Variants in CDC42BPG observed in about 807,000 individuals in gnomAD.
The protein encoded by CDC42BPG is serine/threonine-protein kinase MRCK gamma.
CDC42BPG carries 157 observed loss-of-function variants against 192.2 expected under a neutral mutation model. That is an observed-to-expected ratio of 0.82 (90% CI 0.72 to 0.93). The LOEUF (loss-of-function observed/expected upper bound fraction) is 0.93, where lower values mean the gene tolerates loss of function less well. CDC42BPG is among the 40% of genes least tolerant of loss of function. The pLI, the probability that CDC42BPG is intolerant of heterozygous loss-of-function variation, is 0.00. For synonymous variants in CDC42BPG, 981 were observed against 918.5 expected (o/e 1.07, Z -1.23); for missense variants, 1,992 against 2,122.1 (o/e 0.94, Z 1.20).
At position 64,836,501 on chromosome 11, in the gene CDC42BPG, G is replaced by T; in HGVS notation, c.1414C>A (p.Gln472Lys). The T allele has an allele frequency of 6.2e-7, 1 of 1,613,436 alleles. No individual in the cohort carries two copies. The highest frequency in any genetic ancestry group is 8.5e-7 in the Non-Finnish European group (1 of 1,179,952). The change falls in exon 12 of 37, where the codon CAG (glutamine) becomes AAG (lysine). Residue 472 changes from glutamine (Q) to lysine (K), a missense_variant. Gln to Lys is a moderately conservative substitution (Grantham distance 53). Coordinates refer to ENST00000342711, the MANE Select transcript of CDC42BPG (RefSeq NM_017525.3). ...CTACCAGCTGGGGGCCCATCCGTCT[G>T]GGACAATGAGGCCTTGTCCCTCAGC... is the stretch of plus-strand genomic sequence containing the variant. The part of the protein sequence containing the change: ...EMLRDKASLS[Q>K]TDGPPAGSPG...
At chr11:64,837,327 G>A (rs147181356) in intron 9 of CDC42BPG, among the ~76,000 whole-genome samples, 36 of 152,318 alleles carry the variant, frequency 2.4e-4, no homozygotes, top group African/African-American at 7.2e-4. Context: ...CAGGGCTGTC[G>A]AGGACAGGAT....
At position 64,827,793 on chromosome 11, in the gene CDC42BPG, C is replaced by T. The variant is rs767688488; in HGVS notation, c.3968-10G>A. ...TAGGGGGCCGCATACCCTGCGGGCA[C>T]GCCAGGCACCTCTGAGCTGTTTCCC... is the stretch of plus-strand genomic sequence containing the variant. On this transcript the variant is annotated splice_polypyrimidine_tract_variant and intron_variant, in intron 30 of 36. Coordinates refer to ENST00000342711, the MANE Select transcript of CDC42BPG (RefSeq NM_017525.3). 15 of 1,593,094 alleles carry T rather than the reference C, an allele frequency of 9.4e-6. No homozygotes were observed. The African/African-American group carries it at 1.1e-4, about 11-fold the overall frequency.
At position 64,826,570 on chromosome 11, in the gene CDC42BPG, G is replaced by T. The variant is rs191214442; in HGVS notation, c.4514-15C>A. On this transcript the variant is annotated splice_polypyrimidine_tract_variant and intron_variant, in intron 35 of 36. Transcript: ENST00000342711. ...TTTCCTCTTCACTGCTCCAGCAGCA[G>T]ACGAGGAGACAAAAATACCAAGATC... 21 of 1,596,608 alleles carry T rather than the reference G, an allele frequency of 1.3e-5. No homozygotes were observed. The East Asian group carries it at 4.7e-4, about 36-fold the overall frequency.
rs1252730204 is a variant in CDC42BPG, at chr11:64,839,589, G to A, written c.582-18C>T. On this transcript the variant is annotated intron_variant, in intron 5 of 36. Coordinates refer to ENST00000342711, the MANE Select transcript of CDC42BPG (RefSeq NM_017525.3). Reference sequence around the variant, plus strand: ...TGACATCCCTGGGGGATGGCAGGCAGGGAGAGTGAGGCGTTTGACCTGTGT... The same window carrying A: ...TGACATCCCTGGGGGATGGCAGGCAAGGAGAGTGAGGCGTTTGACCTGTGT... The A allele has an allele frequency of 1.9e-6, 3 of 1,603,870 alleles. No individual in the cohort carries two copies. Among genetic ancestry groups the A allele is most frequent in the Non-Finnish European group, 2.6e-6 (3 of 1,175,454 alleles).
At position 64,841,894 on chromosome 11, in the gene CDC42BPG, G is replaced by C. The variant is rs750121131; in HGVS notation, c.171C>G (p.Phe57Leu). ...GACGCAGTTCTTTCACCTTTGATACGAAGGGGCTGGCTGAGGGGACACAGG... is the reference window on the plus strand; with the variant it reads ...GACGCAGTTCTTTCACCTTTGATACCAAGGGGCTGGCTGAGGGGACACAGG... ...VAQFLSWASP[F>L]VSKVKELRLQ... The change falls in exon 2 of 37, where the codon TTC (phenylalanine) becomes TTG (leucine). Residue 57 changes from phenylalanine to leucine, a missense_variant. By Grantham distance (22) the Phe-to-Leu change is conservative. Coordinates refer to ENST00000342711, the MANE Select transcript of CDC42BPG (RefSeq NM_017525.3). The C allele has an allele frequency of 3.7e-6, 6 of 1,606,202 alleles. No homozygotes were observed. The highest frequency in any genetic ancestry group is 1.7e-4 in the Middle Eastern group (1 of 6,050).
intron 11 of CDC42BPG, 34 bp downstream of exon 11, chr11:64,836,705 C>CCGGCGGGGGGGG (rs1192864769): frequency 3.8e-6 from 1 of 260,500 alleles, no homozygotes; most frequent in African/African-American, 6.4e-5. Flanking sequence ...GGACTCAGCC[C>CCGGCGGGGGGGG]TGGGGGGGGG....
chr11:64,836,954 T>TGCTCCAGACACTGGAGCTTCC lies in CDC42BPG; in HGVS notation c.1250_1270dup (p.Arg417_Glu423dup), dbSNP rs749666003. The stretch of plus-strand genomic sequence containing the variant: ...CTTCCTGCTCAGCTCCACCTTCTCC[T>TGCTCCAGACACTGGAGCTTCC]GCTCCAGACACTGGAGCTTCCGCTC... On this transcript the variant is annotated inframe_insertion, in exon 10 of 37. Transcript: ENST00000342711. 6 of 1,613,478 alleles carry TGCTCCAGACACTGGAGCTTCC rather than the reference T, an allele frequency of 3.7e-6. No individual in the cohort carries two copies. The highest frequency in any genetic ancestry group is 2.7e-5 in the African/African-American group (2 of 75,048).
At chr11:64,830,358 TG>T in intron 28 of CDC42BPG, 102 bp from the exon 29 acceptor site, 2 of 993,004 alleles carry the variant, frequency 2.0e-6, no homozygotes, top group South Asian at 1.4e-5. Context: ...CTTGAGGAAA[TG>T]GGGGTGGCAA....
At chr11:64,844,384 C>A in intron 1 of CDC42BPG, 26 bp downstream of exon 1, 4 of 1,377,446 alleles carry the variant, frequency 2.9e-6, no homozygotes, top group Non-Finnish European at 3.7e-6. Flanking sequence ...AGGCCCGCCC[C>A]CGCTCCGTGC....
chr11:64,836,444 G>A lies in CDC42BPG; in HGVS notation c.1471C>T (p.Leu491Phe). 1 of 1,613,258 alleles carries A rather than the reference G, an allele frequency of 6.2e-7. No individual in the cohort carries two copies. The highest frequency in any genetic ancestry group is 8.5e-7 in the Non-Finnish European group (1 of 1,179,858). ...PGQDSDLRQE[L>F]DRLHRELAEG... is the part of the protein sequence containing the mutation. ...GCCCTCACCCGGTGAAGTCGGTCAA[G>A]CTCCTGCCGTAGGTCACTGTCCTGA... The change falls in exon 12 of 37, where the codon CTT (leucine) becomes TTT (phenylalanine). Residue 491 changes from leucine to phenylalanine, a missense_variant. Physicochemically the swap from Leu to Phe is conservative, Grantham distance 22. Coordinates refer to ENST00000342711, the MANE Select transcript of CDC42BPG (RefSeq NM_017525.3).
intron 1 of CDC42BPG, among the ~76,000 whole-genome samples, chr11:64,843,832 G>C (rs1436753565): frequency 6.6e-6 from 1 of 152,238 alleles, no homozygotes; most frequent in African/African-American, 2.4e-5. Flanking sequence ...CGGTTCCTGA[G>C]TCCAGGCTGC....
At chr11:64,840,320 T>G (rs771619040) in intron 4 of CDC42BPG, 52 bp from the exon 5 acceptor site, 1 of 1,590,498 alleles carries the variant, frequency 6.3e-7, no homozygotes, top group Admixed American at 1.7e-5. Context: ...ACCTGGCCAC[T>G]TCACCGCGGT....
chr11:64,826,794 C>A lies in CDC42BPG; in HGVS notation c.4390G>T (p.Ala1464Ser). The A allele has an allele frequency of 6.7e-7, 1 of 1,497,044 alleles. No individual in the cohort carries two copies. The highest frequency in any genetic ancestry group is 8.9e-7 in the Non-Finnish European group (1 of 1,125,382). The allele number at this position is 1,497,044 out of a possible 1,614,324, so 92.7% of individuals were successfully genotyped here. A position where few individuals can be genotyped will look rare whatever the true frequency, so the allele number is the denominator to read the frequency against. The stretch of plus-strand genomic sequence containing the variant: ...GCAACTCGGCCCTTCTCTTCGGGAG[C>A]CTGTTGGGTGACAGTGCGGAGGGGC... ...GRPGARDKSP[A>S]PEEKGRVARG... The change falls in exon 35 of 37, where the codon GCT becomes TCT. Residue 1464 changes from alanine (A) to serine (S), a missense_variant and splice_region_variant. This residue lies in a region of CDC42BPG where 336 missense variants were observed against 277.9 expected (regional missense o/e 1.21). Coordinates refer to ENST00000342711, the MANE Select transcript of CDC42BPG (RefSeq NM_017525.3).
chr11:64,838,855 G>A lies in CDC42BPG; in HGVS notation c.924C>T (p.Ala308=). 6.2e-7 allele frequency: 1 copy of A among 1,611,904 alleles called. No homozygotes were observed. Among genetic ancestry groups the A allele is most frequent in the East Asian group, 2.2e-5 (1 of 44,866 alleles). ...ACAGCAGCTGGCGGATCAGGTCTTG[G>A]GCGCTGGCTGGCACGTCAGGCACGT... The part of the protein sequence containing the change: ...PPDVPDVPAS[A]QDLIRQLLCR... Residue 308 remains alanine (A), a synonymous_variant, in exon 8 of 37, where the codon GCC becomes GCT. Transcript: ENST00000342711.
In CDC42BPG at chr11:64,834,296, G is replaced by A. The variant is rs200681565; in HGVS notation, c.2383C>T (p.Arg795Trp). 1,197 of 1,578,856 alleles carry A rather than the reference G, an allele frequency of 7.6e-4. 2 individuals are homozygous for A. The highest frequency in any genetic ancestry group is 1.4e-3 in the Middle Eastern group (7 of 5,122). The change falls in exon 20 of 37, where the codon CGG (arginine) becomes TGG (tryptophan). Residue 795 changes from arginine (R) to tryptophan (W), a missense_variant. By Grantham distance (101) the Arg-to-Trp change is moderately radical. This residue lies in a region of CDC42BPG where 1,656 missense variants were observed against 1,844.3 expected (regional missense o/e 0.90). Coordinates refer to ENST00000342711, the MANE Select transcript of CDC42BPG (RefSeq NM_017525.3). ...QALQQELAML[R>W]EELRARGPVD... ...GGCCCTCGGGCCCGCAGCTCCTCCC[G>A]CAGCATGGCGAGCTCCTGTTGCAGG...
chr11:64,828,251 T>G (rs1326652473), intron 30 of CDC42BPG, among the ~76,000 whole-genome samples: 1 of 146,848 alleles, frequency 6.8e-6, no homozygotes, highest in African/African-American at 2.5e-5. Flanking sequence ...GCTAGTTACT[T>G]GTGCATGCAC....
chr11:64,832,855 T>TG lies in CDC42BPG; in HGVS notation c.2835dup (p.Thr946HisfsTer6), dbSNP rs1427431712. ...AGAAAGCCCTCATAGGCAGTGCCTG[T>TG]GCCTGTTTCGGGGTGTACTCCCAGG... On this transcript the variant is annotated frameshift_variant, in exon 25 of 37. Transcript: ENST00000342711. LOFTEE classifies it high-confidence loss of function. The TG allele has an allele frequency of 6.4e-7, 1 of 1,574,288 alleles. No individual in the cohort carries two copies. The highest frequency in any genetic ancestry group is 1.4e-5 in the African/African-American group (1 of 73,524).
In CDC42BPG at chr11:64,836,132, C is replaced by G; in HGVS notation, c.1653G>C (p.Arg551=). 1.3e-6 allele frequency: 2 copies of G among 1,599,832 alleles called. No homozygotes were observed. Among genetic ancestry groups the G allele is most frequent in the Non-Finnish European group, 1.7e-6 (2 of 1,174,936 alleles). The change falls in exon 13 of 37, where the codon CGG becomes CGC. Residue 551 remains arginine, a synonymous_variant. Transcript: ENST00000342711. The part of the protein sequence containing the change: ...RALSSQLEEA[R]AAQRELEAQV... The stretch of plus-strand genomic sequence containing the variant: ...GGTCACTCACCTCCCTCTGGGCAGC[C>G]CGGGCTTCCTCCAGCTGGGAGCTCA...
In CDC42BPG at chr11:64,837,988, C is replaced by T. The variant is rs1943096551; in HGVS notation, c.1205+95G>A. On this transcript the variant is annotated intron_variant, in intron 9 of 36. Coordinates refer to ENST00000342711, the MANE Select transcript of CDC42BPG (RefSeq NM_017525.3). ...ATGCAGATACTGGGGAGCCCTTCTG[C>T]CCTCCTTCCCAGGGCCCCAGTGGGC... 7.5e-6 allele frequency: 8 copies of T among 1,068,072 alleles called. No individual in the cohort carries two copies. The Admixed American group carries it at 1.2e-4, about 16-fold the overall frequency. 66.2% of individuals were successfully genotyped at this position (1,068,072 alleles called of 1,614,324 possible).
Sources: allele counts gnomAD v4.1 joint callset (sites outside exome capture counted in the v4.1 genomes callset), GRCh38; gene constraint gnomAD v4.1.1; regional missense constraint gnomAD v4.1.1; transcripts MANE v1.5; gene names NCBI Gene and HGNC (gene_info 2026-07-23, HGNC 2026-07-21).